Variants in CCDC141 observed in about 807,000 individuals in gnomAD.
CCDC141 encodes coiled-coil domain containing 141.
Under a neutral mutation model 181.0 loss-of-function variants are expected in CCDC141, and 168 were observed. The observed-to-expected ratio is 0.93, with a 90% CI of 0.82 to 1.05. The LOEUF is 1.05. Among genes scored for constraint, CCDC141 ranks in the 50% least tolerant of loss-of-function variants. CCDC141 has a pLI of 0.00. For missense variants in CCDC141, 1,902 were observed against 1,788.5 expected (o/e 1.06, Z -1.14); for synonymous variants, 666 against 642.3 (o/e 1.04, Z -0.56).
chr2:178,824,617 CAAAAAA>C, the CCDC141 span, among the ~76,000 whole-genome samples: 1 of 52,292 alleles, frequency 1.9e-5, no homozygotes, highest in African/African-American at 8.9e-5. Context: ...GAGACTTCGT[CAAAAAA>C]AAAAAAAAAA....
chr2:178,901,308 G>A (rs1321481867), intron 8 of CCDC141, among the ~76,000 whole-genome samples: 1 of 152,114 alleles, frequency 6.6e-6, no homozygotes, highest in Non-Finnish European at 1.5e-5. Context: ...AACCAAAAAA[G>A]AGAATTTTAG....
rs531131512 is a variant in CCDC141 at position 179,049,380 on chromosome 2, G to A, written c.102+460C>T. On this transcript the variant is annotated intron_variant, in intron 1 of 23. Transcript: ENST00000443758. ...TACTTGGTGTTTTCTGAGTTCCATC[G>A]TGCTTAAAGCAGTGCCCTCCCCCTG... Among the ~76,000 whole-genome samples, 7 of 152,030 alleles carry A rather than the reference G, an allele frequency of 4.6e-5. No individual in the cohort carries two copies. In the South Asian group the frequency reaches 1.0e-3, roughly 23 times the overall value.
rs190908696 is a variant in CCDC141, at chr2:178,951,706, G to C, written c.781-7055C>G. Among the ~76,000 whole-genome samples, 497 of 152,296 alleles carry C rather than the reference G, an allele frequency of 3.3e-3. 1 individual carries two copies. Among genetic ancestry groups the C allele is most frequent in the African/African-American group, 0.011 (450 of 41,538 alleles). On this transcript the variant is annotated intron_variant, in intron 5 of 23. Transcript: ENST00000443758. ...CCAATGATCACCAGGGGCAACACCA[G>C]GGGTACGGAAGGAAAAGAGCTTAGA...
At chr2:178,888,024 A>G (rs1445150105) in intron 9 of CCDC141, among the ~76,000 whole-genome samples, 1 of 152,214 alleles carries the variant, frequency 6.6e-6, no homozygotes, top group Non-Finnish European at 1.5e-5. Flanking sequence ...GTATGTTTAT[A>G]TGCAGAATGA....
At chr2:178,886,301 T>G (rs1236383850) in intron 10 of CCDC141, among the ~76,000 whole-genome samples, 3 of 152,122 alleles carry the variant, frequency 2.0e-5, no homozygotes, top group African/African-American at 4.8e-5. Context: ...GTGGGGCACT[T>G]TCTGTCTCTG....
At chr2:178,887,618 G>A (rs1471382361) in intron 9 of CCDC141, among the ~76,000 whole-genome samples, 3 of 152,184 alleles carry the variant, frequency 2.0e-5, no homozygotes, top group Admixed American at 2.0e-4. Context: ...CAGCACCACA[G>A]CTGCCACCAT....
the CCDC141 span, among the ~76,000 whole-genome samples, chr2:178,821,675 C>A: frequency 6.6e-6 from 1 of 152,214 alleles, no homozygotes; most frequent in East Asian, 1.9e-4. Flanking sequence ...TCATCACTGG[C>A]CATCAGAGAA....
At chr2:178,868,649 C>T (rs1315893032) in intron 15 of CCDC141, among the ~76,000 whole-genome samples, 1 of 65,468 alleles carries the variant, frequency 1.5e-5, no homozygotes, top group East Asian at 4.4e-4. Context: ...TTTTCGCCCT[C>T]AAAGAGCCTA....
chr2:178,965,413 A>G (rs1267136776), intron 4 of CCDC141, among the ~76,000 whole-genome samples: 1 of 152,212 alleles, frequency 6.6e-6, no homozygotes, highest in East Asian at 1.9e-4. Flanking sequence ...CTGCATTTCC[A>G]ACTGAGGTAC....
At chr2:178,954,842 A>G (rs1690095570) in intron 5 of CCDC141, among the ~76,000 whole-genome samples, 1 of 152,128 alleles carries the variant, frequency 6.6e-6, no homozygotes, top group Non-Finnish European at 1.5e-5. Flanking sequence ...TTTGCCCTTC[A>G]ATGAAATGTG....
At chr2:178,949,410 C>T (rs1689860508) in intron 5 of CCDC141, among the ~76,000 whole-genome samples, 1 of 152,052 alleles carries the variant, frequency 6.6e-6, no homozygotes, top group Admixed American at 6.6e-5. Flanking sequence ...CAATAATTTG[C>T]CTAATTTCAC....
At chr2:179,016,147 A>C (rs2042535149) in intron 2 of CCDC141, among the ~76,000 whole-genome samples, 1 of 149,450 alleles carries the variant, frequency 6.7e-6, no homozygotes, top group African/African-American at 2.4e-5. Context: ...CTAAGCTATG[A>C]GGACACAAAG....
At chr2:178,840,796 A>G (rs1684686071) in intron 22 of CCDC141, among the ~76,000 whole-genome samples, 1 of 152,242 alleles carries the variant, frequency 6.6e-6, no homozygotes, top group South Asian at 2.1e-4. Flanking sequence ...CATGAAAGGA[A>G]TATAAGGCTA....
At chr2:179,010,162 C>CA (rs895977390) in intron 2 of CCDC141, among the ~76,000 whole-genome samples, 2 of 151,946 alleles carry the variant, frequency 1.3e-5, no homozygotes, top group African/African-American at 4.8e-5. Flanking sequence ...TGTTAAATGA[C>CA]AAAACCTAAG....
At position 178,830,667 on chromosome 2, in the gene CCDC141, G is replaced by A. The variant is rs980841274; in HGVS notation, c.*3506C>T. The A allele has an allele frequency of 2.0e-5, 3 of 152,318 alleles. No homozygotes were observed. The highest frequency in any genetic ancestry group is 1.9e-4 in the East Asian group (1 of 5,196). 9.4% of individuals were successfully genotyped at this position (152,318 alleles called of 1,614,324 possible). On this transcript the variant is annotated 3_prime_UTR_variant, in exon 24 of 24. Coordinates refer to ENST00000443758, the MANE Select transcript of CCDC141 (RefSeq NM_173648.4). ...CCAGAGGAGACTGATGCTCAAACCT[G>A]CGATTCCTTTGTGTATATTCAGGGG...
chr2:178,827,277 T>G (rs549915626), downstream of CCDC141, among the ~76,000 whole-genome samples: 1 of 152,320 alleles, frequency 6.6e-6, no homozygotes, highest in East Asian at 1.9e-4. Context: ...ATGTGGTCTA[T>G]CTTGGAAAAT....
chr2:178,846,957 A>G (rs975586384), intron 21 of CCDC141, among the ~76,000 whole-genome samples: 1 of 152,216 alleles, frequency 6.6e-6, no homozygotes, highest in Non-Finnish European at 1.5e-5. Flanking sequence ...AGAGAGCCAT[A>G]GCATCAACCT....
At chr2:178,860,543 CTTTTTTTTT>C (rs71023458) in intron 17 of CCDC141, among the ~76,000 whole-genome samples, 23 of 51,348 alleles carry the variant, frequency 4.5e-4, no homozygotes, top group Admixed American at 1.2e-3. Flanking sequence ...AAAAACAACA[CTTTTTTTTT>C]TTTTTTTTTT....
chr2:178,940,664 CA>C (rs1200371638), intron 6 of CCDC141, among the ~76,000 whole-genome samples: 2 of 152,022 alleles, frequency 1.3e-5, no homozygotes, highest in Admixed American at 6.6e-5. Flanking sequence ...AAGGGAATCA[CA>C]AAAAAACCTA....
Sources: gnomAD v4.1 joint callset for allele counts (sites outside exome capture counted in the v4.1 genomes callset) on GRCh38, gnomAD v4.1.1 for gene constraint, MANE v1.5 for transcripts, NCBI Gene and HGNC (gene_info 2026-07-23, HGNC 2026-07-21) for gene names.